The following OR10J1 variants were observed in gnomAD, a reference collection of about 807,000 sequenced individuals.
OR10J1 encodes the protein olfactory receptor family 10 subfamily J member 1, also known as olfactory receptor 10J1.
For synonymous variants in OR10J1, 202 were observed against 143.8 expected, an observed-to-expected ratio of 1.40 and a Z score of -2.89; for missense variants, 474 against 376.6, an observed-to-expected ratio of 1.26 and a Z score of -2.14.
chr1:159,428,852 C>T, the OR10J1 span, among the ~76,000 whole-genome samples: 1 of 152,154 alleles, frequency 6.6e-6, no homozygotes, highest in Non-Finnish European at 1.5e-5. Flanking sequence ...TCAAAGACAC[C>T]ACAATAAACT....
the OR10J1 span, among the ~76,000 whole-genome samples, chr1:159,424,847 A>C: frequency 5.3e-5 from 8 of 152,160 alleles, no homozygotes; most frequent in Non-Finnish European, 1.0e-4. Context: ...TGAAAAATAT[A>C]AATTGCCAGA....
the OR10J1 span, among the ~76,000 whole-genome samples, chr1:159,408,105 T>C: frequency 5.3e-5 from 8 of 151,990 alleles, no homozygotes; most frequent in East Asian, 1.9e-4. Flanking sequence ...GCATCAAGTA[T>C]GAGGGCCCAG....
upstream of OR10J1, among the ~76,000 whole-genome samples, chr1:159,434,547 C>G (rs544412088): frequency 1.3e-5 from 2 of 152,196 alleles, no homozygotes; most frequent in Admixed American, 6.5e-5. Flanking sequence ...TATTGTTTAC[C>G]CTGAACCCCA....
the OR10J1 span, among the ~76,000 whole-genome samples, chr1:159,407,662 G>A: frequency 1.3e-5 from 2 of 152,052 alleles, no homozygotes; most frequent in Non-Finnish European, 2.9e-5. Context: ...ATTCAATGTG[G>A]TTATGTAGTT....
the OR10J1 span, among the ~76,000 whole-genome samples, chr1:159,421,590 T>G: frequency 6.6e-6 from 1 of 152,294 alleles, no homozygotes; most frequent in South Asian, 2.1e-4. Context: ...ATTGGTTGGT[T>G]AGGGCACTGT....
chr1:159,431,661 T>C, the OR10J1 span, among the ~76,000 whole-genome samples: 1 of 152,222 alleles, frequency 6.6e-6, no homozygotes, highest in Non-Finnish European at 1.5e-5. Context: ...GCGAGAGTGA[T>C]ATGCATACAG....
chr1:159,425,035 CA>C, the OR10J1 span, among the ~76,000 whole-genome samples: 1 of 152,002 alleles, frequency 6.6e-6, no homozygotes, highest in Non-Finnish European at 1.5e-5. Context: ...GACTTTTCAA[CA>C]ATTACACTAG....
the OR10J1 span, among the ~76,000 whole-genome samples, chr1:159,431,178 ACG>A: frequency 6.6e-6 from 1 of 152,216 alleles, no homozygotes; most frequent in African/African-American, 2.4e-5. Flanking sequence ...AGAAGTGGCT[ACG>A]CACCACAGAA....
chr1:159,415,101 T>G, the OR10J1 span, among the ~76,000 whole-genome samples: 1 of 152,124 alleles, frequency 6.6e-6, no homozygotes, highest in Non-Finnish European at 1.5e-5. Flanking sequence ...CTGTTTGTTT[T>G]TATCTATGCT....
chr1:159,408,550 G>T, the OR10J1 span, among the ~76,000 whole-genome samples: 1 of 151,268 alleles, frequency 6.6e-6, no homozygotes, highest in Non-Finnish European at 1.5e-5. Context: ...CACCAGCATG[G>T]CACATGTATA....
Position 159,440,104 on chromosome 1 carries a change from G to A in OR10J1, c.313G>A (p.Val105Ile), listed in dbSNP as rs765730067. The change falls in exon 1 of 1, where the codon GTA becomes ATA. Residue 105 changes from valine (V) to isoleucine (I), a missense_variant. Coordinates refer to ENST00000423932, the MANE Select transcript of OR10J1 (RefSeq NM_012351.3). ...GTGTGCCACACAGATGTTCTTTTTTGTAACCTTTGGCATCACTAACTGCTT... is the reference window on the plus strand; with the variant it reads ...GTGTGCCACACAGATGTTCTTTTTTATAACCTTTGGCATCACTAACTGCTT... ...AGCATQMFFF[V>I]TFGITNCFLL... The A allele has an allele frequency of 6.2e-7, 1 of 1,614,006 alleles. No homozygotes were observed. The highest frequency in any genetic ancestry group is 2.2e-5 in the East Asian group (1 of 44,876).
the OR10J1 span, among the ~76,000 whole-genome samples, chr1:159,404,510 G>A: frequency 6.6e-6 from 1 of 152,088 alleles, no homozygotes; most frequent in African/African-American, 2.4e-5. Context: ...TCATAGGTTT[G>A]TGATAATTTA....
At chr1:159,430,555 A>T in the OR10J1 span, among the ~76,000 whole-genome samples, 1 of 152,190 alleles carries the variant, frequency 6.6e-6, no homozygotes, top group Admixed American at 6.5e-5. Flanking sequence ...GAAAGTAAAG[A>T]CCGGACCTTT....
At chr1:159,413,153 T>C in the OR10J1 span, among the ~76,000 whole-genome samples, 5 of 152,140 alleles carry the variant, frequency 3.3e-5, no homozygotes, top group South Asian at 2.1e-4. Context: ...CACCTCACAC[T>C]TGTTAGAATG....
chr1:159,412,659 T>C, the OR10J1 span, among the ~76,000 whole-genome samples: 1 of 151,792 alleles, frequency 6.6e-6, no homozygotes, highest in Non-Finnish European at 1.5e-5. Flanking sequence ...ACTGGATCCC[T>C]TCCTTACACC....
the OR10J1 span, among the ~76,000 whole-genome samples, chr1:159,417,565 C>T: frequency 1.3e-5 from 2 of 152,164 alleles, no homozygotes; most frequent in African/African-American, 2.4e-5. Flanking sequence ...ATGCCTTTCA[C>T]TTTCTGCCTC....
At chr1:159,413,621 T>C in the OR10J1 span, among the ~76,000 whole-genome samples, 23 of 145,964 alleles carry the variant, frequency 1.6e-4, no homozygotes, top group East Asian at 3.0e-3. Flanking sequence ...TTCTCACTCA[T>C]AGGTCGGAAT....
At chr1:159,403,372 G>A in the OR10J1 span, among the ~76,000 whole-genome samples, 1 of 152,042 alleles carries the variant, frequency 6.6e-6, no homozygotes, top group Admixed American at 6.6e-5. Context: ...CACGTGACAA[G>A]GGATTAATAA....
chr1:159,429,724 G>T, the OR10J1 span, among the ~76,000 whole-genome samples: 2 of 152,166 alleles, frequency 1.3e-5, no homozygotes, highest in Admixed American at 1.3e-4. Flanking sequence ...CTCTTGGGCA[G>T]CCAGCAATTC....
Sources: allele counts gnomAD v4.1 joint callset (sites outside exome capture counted in the v4.1 genomes callset), GRCh38; gene constraint gnomAD v4.1.1; transcripts MANE v1.5; gene names NCBI Gene and HGNC (gene_info 2026-07-23, HGNC 2026-07-21).